RIMS1: variants seen among roughly 807,000 people sequenced by gnomAD.
RIMS1 encodes regulating synaptic membrane exocytosis 1.
In RIMS1, 83 loss-of-function variants were observed where a neutral mutation model predicts 214.1. The observed-to-expected ratio is 0.39, with a 90% CI of 0.32 to 0.47. The LOEUF is 0.47. Among genes scored for constraint, RIMS1 ranks in the 20% least tolerant of loss-of-function variants. RIMS1 has a pLI of 0.99. For synonymous variants in RIMS1, 793 were observed against 786.8 expected (o/e 1.01, Z -0.13); for missense variants, 2,050 against 2,161.8 (o/e 0.95, Z 1.03).
intron 4 of RIMS1, among the ~76,000 whole-genome samples, chr6:72,109,539 G>C (rs1008226532): frequency 6.6e-6 from 1 of 151,772 alleles, no homozygotes; most frequent in African/African-American, 2.4e-5. Context: ...CCCACTTTTT[G>C]ATGGGGTTGT....
intron 28 of RIMS1, among the ~76,000 whole-genome samples, chr6:72,320,392 A>T (rs948671629): frequency 6.6e-6 from 1 of 152,150 alleles, no homozygotes; most frequent in African/African-American, 2.4e-5. Context: ...GTTTATTTTT[A>T]AAAAGGAAGC....
chr6:72,338,586 T>C (rs2096929451), intron 29 of RIMS1, among the ~76,000 whole-genome samples: 1 of 152,006 alleles, frequency 6.6e-6, no homozygotes, highest in Non-Finnish European at 1.5e-5. Context: ...AAAGGGCTAA[T>C]ATCCAGCATC....
intron 2 of RIMS1, among the ~76,000 whole-genome samples, chr6:71,976,835 A>C (rs566734302): frequency 1.4e-4 from 22 of 152,300 alleles, no homozygotes; most frequent in African/African-American, 5.3e-4. Context: ...TAGGAAATAT[A>C]TATTTTTATG....
At chr6:72,350,773 C>G (rs2097420713) in intron 29 of RIMS1, among the ~76,000 whole-genome samples, 1 of 152,052 alleles carries the variant, frequency 6.6e-6, no homozygotes, top group South Asian at 2.1e-4. Context: ...TATCAACAGG[C>G]AAAGAGAGAT....
chr6:72,090,425 A>G (rs1279783037), intron 2 of RIMS1, among the ~76,000 whole-genome samples: 1 of 152,076 alleles, frequency 6.6e-6, no homozygotes, highest in Non-Finnish European at 1.5e-5. Flanking sequence ...AAACTCCATT[A>G]TTTAACCTTT....
intron 28 of RIMS1, among the ~76,000 whole-genome samples, chr6:72,324,246 A>G (rs1430128284): frequency 6.6e-6 from 1 of 152,030 alleles, no homozygotes; most frequent in East Asian, 1.9e-4. Context: ...TAGTTAAAAC[A>G]TATGTAGACG....
intron 2 of RIMS1, among the ~76,000 whole-genome samples, chr6:72,041,537 A>C (rs1397969009): frequency 6.6e-6 from 1 of 151,872 alleles, no homozygotes; most frequent in Non-Finnish European, 1.5e-5. Flanking sequence ...ATGAAACTTT[A>C]TATGTGTATG....
At position 72,271,181 on chromosome 6, in the gene RIMS1, G is replaced by A. The variant is rs186018898; in HGVS notation, c.3399-3168G>A. On this transcript the variant is annotated intron_variant, in intron 22 of 33. Coordinates refer to ENST00000521978, the MANE Select transcript of RIMS1 (RefSeq NM_014989.7). ...CTAGGGAGGCTGAGGCAGGAGAATCGCTTGAACCCGGGGAGCAGAGGTTGC... is the reference window on the plus strand; with the variant it reads ...CTAGGGAGGCTGAGGCAGGAGAATCACTTGAACCCGGGGAGCAGAGGTTGC... 2.2e-4 allele frequency among the ~76,000 whole-genome samples: 33 copies of A among 150,346 alleles called. No individual in the cohort carries two copies. In the South Asian group the frequency reaches 2.7e-3, roughly 12 times the overall value.
At chr6:72,263,237 T>C in intron 19 of RIMS1, 1 of 985,132 alleles carries the variant, frequency 1.0e-6, no homozygotes, top group Non-Finnish European at 1.2e-6. Context: ...ATGTTTAGTT[T>C]CTTTTCTCCC....
At chr6:72,274,550 G>C in intron 23 of RIMS1, 118 bp downstream of exon 23, 2 of 744,384 alleles carry the variant, frequency 2.7e-6, no homozygotes, top group South Asian at 3.1e-5. Flanking sequence ...GCCAGAGCCA[G>C]ATATGTTAGA....
At chr6:71,972,264 G>A (rs1429367751) in intron 2 of RIMS1, among the ~76,000 whole-genome samples, 1 of 152,152 alleles carries the variant, frequency 6.6e-6, no homozygotes, top group Non-Finnish European at 1.5e-5. Context: ...AGAGGCCATT[G>A]GTGGCATTTA....
At chr6:72,324,402 G>A (rs1205445113) in intron 28 of RIMS1, among the ~76,000 whole-genome samples, 2 of 151,844 alleles carry the variant, frequency 1.3e-5, no homozygotes, top group African/African-American at 4.8e-5. Flanking sequence ...TTAATCTTTA[G>A]GGTAGTCACT....
chr6:72,365,809 C>T (rs2097987179), intron 29 of RIMS1: 1 of 152,222 alleles, frequency 6.6e-6, no homozygotes, highest in Non-Finnish European at 1.5e-5. Flanking sequence ...CAGAAATATG[C>T]TCTTACGGTA....
chr6:72,277,590 A>AC, intron 23 of RIMS1, among the ~76,000 whole-genome samples: 1 of 152,052 alleles, frequency 6.6e-6, no homozygotes, highest in East Asian at 1.9e-4. Flanking sequence ...TCAAAAAAAA[A>AC]AAAAGAATAT....
intron 4 of RIMS1, among the ~76,000 whole-genome samples, chr6:72,125,766 G>A (rs2039386146): frequency 6.6e-6 from 1 of 152,204 alleles, no homozygotes; most frequent in African/African-American, 2.4e-5. Context: ...CAGTGAGCAA[G>A]ACTCTGTGGA....
intron 4 of RIMS1, among the ~76,000 whole-genome samples, chr6:72,144,358 T>C (rs1434666343): frequency 1.3e-5 from 2 of 152,192 alleles, no homozygotes; most frequent in Non-Finnish European, 2.9e-5. Context: ...GAGTTTGAGA[T>C]GGAAGTTCTA....
intron 4 of RIMS1, among the ~76,000 whole-genome samples, chr6:72,107,749 G>A (rs1005710433): frequency 6.6e-6 from 1 of 152,124 alleles, no homozygotes; most frequent in African/African-American, 2.4e-5. Flanking sequence ...TTTCATATTT[G>A]TTGGGAAAAT....
At chr6:72,331,497 A>T (rs1327644693) in intron 28 of RIMS1, among the ~76,000 whole-genome samples, 1 of 151,846 alleles carries the variant, frequency 6.6e-6, no homozygotes, top group African/African-American at 2.4e-5. Flanking sequence ...CCAAATCCTG[A>T]CATTTCTGTA....
intron 2 of RIMS1, among the ~76,000 whole-genome samples, chr6:72,035,256 T>C (rs1819307573): frequency 6.6e-6 from 1 of 152,188 alleles, no homozygotes; most frequent in Non-Finnish European, 1.5e-5. Context: ...ACCTTGTTAT[T>C]CTTCATGGTG....
Sources: gnomAD v4.1 joint callset for allele counts (sites outside exome capture counted in the v4.1 genomes callset) on GRCh38, gnomAD v4.1.1 for gene constraint, MANE v1.5 for transcripts, NCBI Gene and HGNC (gene_info 2026-07-23, HGNC 2026-07-21) for gene names.